The following PDLIM5 variants were observed in gnomAD, a reference collection of about 807,000 sequenced individuals.
PDLIM5 encodes the protein PDZ and LIM domain 5, also known as PDZ and LIM domain protein 5.
In PDLIM5, 34 loss-of-function variants were observed where a neutral mutation model predicts 64.2. That is an observed-to-expected ratio of 0.53 (90% CI 0.40 to 0.71). PDLIM5 has a LOEUF of 0.71. PDLIM5 is among the 30% of genes least tolerant of loss of function. The pLI is 0.00. For missense variants in PDLIM5, 683 were observed against 733.6 expected (o/e 0.93, Z 0.80); for synonymous variants, 253 against 269.1 (o/e 0.94, Z 0.59).
chr4:94,662,093 A>T (rs767762673), intron 11 of PDLIM5, among the ~76,000 whole-genome samples: 4 of 152,204 alleles, frequency 2.6e-5, no homozygotes, highest in African/African-American at 4.8e-5. Flanking sequence ...TGCTGGGATT[A>T]CAGGCATGAG....
intron 8 of PDLIM5, among the ~76,000 whole-genome samples, chr4:94,624,278 A>C (rs1025370651): frequency 2.0e-5 from 3 of 152,100 alleles, no homozygotes; most frequent in Non-Finnish European, 4.4e-5. Context: ...GGATTGTGCC[A>C]CTGCACTCCA....
intron 2 of PDLIM5, among the ~76,000 whole-genome samples, chr4:94,494,364 G>A (rs1436221395): frequency 2.7e-5 from 4 of 145,970 alleles, no homozygotes; most frequent in Non-Finnish European, 4.5e-5. Flanking sequence ...CCTTCTTAAT[G>A]AAATCTTTCT....
At chr4:94,511,850 T>C (rs961548563) in intron 2 of PDLIM5, among the ~76,000 whole-genome samples, 1 of 152,170 alleles carries the variant, frequency 6.6e-6, no homozygotes, top group Non-Finnish European at 1.5e-5. Context: ...TGTATATGTA[T>C]CACATTTTCT....
intron 8 of PDLIM5, 72 bp downstream of exon 8, chr4:94,618,263 A>G: frequency 9.7e-7 from 1 of 1,036,160 alleles, no homozygotes; most frequent in Non-Finnish European, 1.4e-6. Context: ...TCTGGGATAT[A>G]TGGTAGAATT....
chr4:94,605,635 C>G (rs1352839748), intron 7 of PDLIM5, among the ~76,000 whole-genome samples: 1 of 152,108 alleles, frequency 6.6e-6, no homozygotes, highest in African/African-American at 2.4e-5. Context: ...AAGATTTTGT[C>G]TTAAGTCAGG....
chr4:94,539,485 T>G (rs1731592818), intron 3 of PDLIM5, among the ~76,000 whole-genome samples: 1 of 152,190 alleles, frequency 6.6e-6, no homozygotes, highest in South Asian at 2.1e-4. Flanking sequence ...AGGCATTTAT[T>G]TAACTACAGT....
rs1451841608 is a variant in PDLIM5 at position 94,472,078 on chromosome 4, C to T, written c.96+16694C>T. ...TGCCTCACTTCTTAGATAATATCAT[C>T]TTCAAAATTCAATTCTGCTTTTCTT... On this transcript the variant is annotated intron_variant, in intron 2 of 12. Coordinates refer to ENST00000317968, the MANE Select transcript of PDLIM5 (RefSeq NM_006457.5). Among the ~76,000 whole-genome samples, 3 of 152,084 alleles carry T rather than the reference C, an allele frequency of 2.0e-5. No individual in the cohort carries two copies. In the East Asian group the frequency reaches 5.8e-4, roughly 29 times the overall value.
chr4:94,532,567 G>GC (rs1456663639), intron 3 of PDLIM5, among the ~76,000 whole-genome samples: 2 of 152,166 alleles, frequency 1.3e-5, no homozygotes, highest in African/African-American at 4.8e-5. Flanking sequence ...GGTCGTGACT[G>GC]CCCTCAGCAA....
At position 94,632,534 on chromosome 4, in the gene PDLIM5, G is replaced by A. The variant is rs1039185782; in HGVS notation, c.1109-7742G>A. Among the ~76,000 whole-genome samples, 8 of 152,274 alleles carry A rather than the reference G, an allele frequency of 5.3e-5. No individual in the cohort carries two copies. The South Asian group carries it at 6.2e-4, about 12-fold the overall frequency. On this transcript the variant is annotated intron_variant, in intron 8 of 12. Coordinates refer to ENST00000317968, the MANE Select transcript of PDLIM5 (RefSeq NM_006457.5). ...AACAAAGAAAAAAATTACTGTGTTG[G>A]GAGATGTGTGGTAGGGAAAATAATG...
intron 8 of PDLIM5, among the ~76,000 whole-genome samples, chr4:94,635,191 G>A (rs1740458527): frequency 6.6e-6 from 1 of 152,066 alleles, no homozygotes; most frequent in African/African-American, 2.4e-5. Context: ...TTTTCTGGTG[G>A]TGAAATGTAT....
chr4:94,631,583 G>A (rs540350237), intron 8 of PDLIM5, among the ~76,000 whole-genome samples: 1 of 152,262 alleles, frequency 6.6e-6, no homozygotes, highest in East Asian at 1.9e-4. Flanking sequence ...GTACTAGCAG[G>A]TTTAGATCAC....
At chr4:94,568,092 A>G (rs1160786470) in intron 3 of PDLIM5, among the ~76,000 whole-genome samples, 2 of 152,252 alleles carry the variant, frequency 1.3e-5, no homozygotes, top group Non-Finnish European at 2.9e-5. Context: ...TTTAGAGACC[A>G]AAAGAGGCAT....
At chr4:94,499,156 C>A (rs1027162973) in intron 2 of PDLIM5, among the ~76,000 whole-genome samples, 1 of 152,028 alleles carries the variant, frequency 6.6e-6, no homozygotes, top group Non-Finnish European at 1.5e-5. Flanking sequence ...CTGGAAAAAG[C>A]GAAGCCTTCT....
At position 94,631,104 on chromosome 4, in the gene PDLIM5, T is replaced by C. The variant is rs972258968; in HGVS notation, c.1109-9172T>C. 2.0e-5 allele frequency among the ~76,000 whole-genome samples: 3 copies of C among 150,816 alleles called. No homozygotes were observed. The East Asian group carries it at 5.9e-4, about 30-fold the overall frequency. The stretch of plus-strand genomic sequence containing the variant: ...TTTTGTAGAGATGGGGGTCTCACTG[T>C]GTTGCCCAGGCTGGTCTCAAACTCC... On this transcript the variant is annotated intron_variant, in intron 8 of 12. Transcript: ENST00000317968.
At chr4:94,528,382 G>A (rs559200267) in intron 3 of PDLIM5, among the ~76,000 whole-genome samples, 3 of 152,226 alleles carry the variant, frequency 2.0e-5, no homozygotes, top group East Asian at 1.9e-4. Context: ...GCAATTCCAC[G>A]AGTCTTATAC....
At chr4:94,595,769 ATATTAC>A (rs1737025424) in intron 7 of PDLIM5, among the ~76,000 whole-genome samples, 3 of 152,202 alleles carry the variant, frequency 2.0e-5, no homozygotes, top group Admixed American at 2.0e-4. Flanking sequence ...TTAGTTGAGT[ATATTAC>A]CTAAAGCTGC....
Position 94,665,809 on chromosome 4 carries a change from T to G in PDLIM5, c.*1742T>G, listed in dbSNP as rs1743054067. 1 of 1,280,792 alleles carries G rather than the reference T, an allele frequency of 7.8e-7. No individual in the cohort carries two copies. Among genetic ancestry groups the G allele is most frequent in the African/African-American group, 1.5e-5 (1 of 65,462 alleles). 79.3% of individuals were successfully genotyped at this position (1,280,792 alleles called of 1,614,324 possible). The stretch of plus-strand genomic sequence containing the variant: ...CAATTTCAAATGTGATCACAAAGTT[T>G]GGAAAGCTTTTATTCACAGAGGTTG... On this transcript the variant is annotated 3_prime_UTR_variant, in exon 13 of 13. Coordinates refer to ENST00000317968, the MANE Select transcript of PDLIM5 (RefSeq NM_006457.5).
chr4:94,462,346 T>G (rs899135949), intron 2 of PDLIM5, among the ~76,000 whole-genome samples: 6 of 152,060 alleles, frequency 3.9e-5, no homozygotes, highest in Admixed American at 3.3e-4. Flanking sequence ...TTAACACAAA[T>G]AGTATGCTTA....
intron 9 of PDLIM5, among the ~76,000 whole-genome samples, chr4:94,643,924 C>A (rs1278093896): frequency 6.6e-6 from 1 of 151,988 alleles, no homozygotes; most frequent in African/African-American, 2.4e-5. Context: ...ATTTATCATC[C>A]CCACTAATTA....
Sources: gnomAD v4.1 joint callset for allele counts (sites outside exome capture counted in the v4.1 genomes callset) on GRCh38, gnomAD v4.1.1 for gene constraint, MANE v1.5 for transcripts, NCBI Gene and HGNC (gene_info 2026-07-23, HGNC 2026-07-21) for gene names.